Variants in EPHB2 observed in about 807,000 individuals in gnomAD.
EPHB2 encodes EPH receptor B2, also known as ephrin type-B receptor 2.
EPHB2 carries 18 observed loss-of-function variants against 96.4 expected under a neutral mutation model. The observed-to-expected ratio is 0.19, with a 90% CI of 0.13 to 0.28. The LOEUF is 0.28. EPHB2 is among the 10% of genes least tolerant of loss of function. The pLI is 1.00. For missense variants in EPHB2, 989 were observed against 1,355.4 expected (o/e 0.73, Z 4.25); for synonymous variants, 506 against 534.1 (o/e 0.95, Z 0.72).
At chr1:22,726,343 A>G (rs1300104662) in intron 1 of EPHB2, among the ~76,000 whole-genome samples, 1 of 152,068 alleles carries the variant, frequency 6.6e-6, no homozygotes, top group Non-Finnish European at 1.5e-5. Flanking sequence ...ACTAAGTGCC[A>G]GGCACCATCC....
chr1:22,797,490 G>T (rs1644783932), intron 3 of EPHB2, among the ~76,000 whole-genome samples: 1 of 152,012 alleles, frequency 6.6e-6, no homozygotes, highest in South Asian at 2.1e-4. Flanking sequence ...CACCTTGGAG[G>T]GCCCCAGTGC....
intron 1 of EPHB2, among the ~76,000 whole-genome samples, chr1:22,773,949 A>G (rs894798564): frequency 3.9e-5 from 6 of 152,212 alleles, no homozygotes; most frequent in Admixed American, 1.3e-4. Flanking sequence ...GGGAGATCCT[A>G]AAGTACTTAC....
intron 1 of EPHB2, among the ~76,000 whole-genome samples, chr1:22,744,961 G>A (rs554376232): frequency 2.6e-5 from 4 of 152,306 alleles, no homozygotes; most frequent in Admixed American, 1.3e-4. Context: ...TCGTCTTCAC[G>A]TTGAGCAGGC....
At chr1:22,719,781 G>A in intron 1 of EPHB2, among the ~76,000 whole-genome samples, 1 of 152,206 alleles carries the variant, frequency 6.6e-6, no homozygotes, top group East Asian at 1.9e-4. Flanking sequence ...CCAGGGTTCA[G>A]GGGTTCAGGC....
chr1:22,781,500 C>G lies in EPHB2; in HGVS notation c.126+15C>G. The G allele has an allele frequency of 6.2e-7, 1 of 1,613,658 alleles. No homozygotes were observed. The highest frequency in any genetic ancestry group is 8.5e-7 in the Non-Finnish European group (1 of 1,179,796). ...CTCCATCAGGGGTGAGTCAGTGGTC[C>G]CCAAACCTTGCATTGGTCCCCAGGA... On this transcript the variant is annotated intron_variant, in intron 2 of 15. Transcript: ENST00000374630.
At chr1:22,905,409 C>T (rs1352386752) in intron 9 of EPHB2, among the ~76,000 whole-genome samples, 2 of 151,946 alleles carry the variant, frequency 1.3e-5, no homozygotes, top group Non-Finnish European at 2.9e-5. Flanking sequence ...GTGAGTGGGG[C>T]GGCCCCTCAA....
At position 22,776,504 on chromosome 1, in the gene EPHB2, G is replaced by C. The variant is rs963535422; in HGVS notation, c.62-4917G>C. On this transcript the variant is annotated intron_variant, in intron 1 of 15. Coordinates refer to ENST00000374630, the MANE Select transcript of EPHB2 (RefSeq NM_017449.5). ...TTGTCACCGTCACAGTGGGGATGGA[G>C]ATAGAAACATTTCCAGAGCTTCAGA... 9.8e-5 allele frequency among the ~76,000 whole-genome samples: 15 copies of C among 152,344 alleles called. No homozygotes were observed. In the East Asian group the frequency reaches 2.9e-3, roughly 29 times the overall value.
At chr1:22,887,856 A>C (rs1321465238) in intron 6 of EPHB2, among the ~76,000 whole-genome samples, 2 of 152,174 alleles carry the variant, frequency 1.3e-5, no homozygotes, top group Non-Finnish European at 2.9e-5. Context: ...GAAGGAGCAA[A>C]GGTTGGAGGA....
At chr1:22,824,617 T>G (rs998049989) in intron 3 of EPHB2, among the ~76,000 whole-genome samples, 1 of 152,246 alleles carries the variant, frequency 6.6e-6, no homozygotes, top group African/African-American at 2.4e-5. Context: ...CGCCCCTGTT[T>G]ACTCAGCTCC....
intron 1 of EPHB2, among the ~76,000 whole-genome samples, chr1:22,716,415 T>C (rs971744693): frequency 6.6e-6 from 1 of 151,994 alleles, no homozygotes; most frequent in Admixed American, 6.5e-5. Context: ...CACTGTAACC[T>C]CCGCCTCCCG....
At chr1:22,799,312 C>G (rs1277152744) in intron 3 of EPHB2, among the ~76,000 whole-genome samples, 1 of 152,076 alleles carries the variant, frequency 6.6e-6, no homozygotes, top group African/African-American at 2.4e-5. Context: ...TGCCTCCCAC[C>G]ACTCCAGACA....
chr1:22,722,905 A>C (rs1484090066), intron 1 of EPHB2, among the ~76,000 whole-genome samples: 1 of 152,236 alleles, frequency 6.6e-6, no homozygotes, highest in Non-Finnish European at 1.5e-5. Context: ...AAGAAGCAGC[A>C]AGGCAGCCAT....
rs906968203 is a variant in EPHB2, at chr1:22,906,028, G to A, written c.1807G>A (p.Glu603Lys). ...GATCTACATCGATCCTTTCACCTAC[G>A]AGGACCCCAACGAGGCAGTGCGGGA... ...MKIYIDPFTYEDPNEAVREFA... is the reference protein window; with the variant it reads ...MKIYIDPFTYKDPNEAVREFA... The change falls in exon 10 of 16, where the codon GAG becomes AAG. Residue 603 changes from glutamate (E) to lysine (K), a missense_variant. Physicochemically the swap from Glu to Lys is moderately conservative, Grantham distance 56. Transcript: ENST00000374630. The surrounding 1 kb of genome is among the most constrained non-coding windows in gnomAD (Gnocchi z 4.8). The A allele has an allele frequency of 8.7e-6, 14 of 1,614,090 alleles. No homozygotes were observed. The highest frequency in any genetic ancestry group is 1.3e-5 in the African/African-American group (1 of 74,924).
At chr1:22,908,690 T>C (rs773788048) in intron 12 of EPHB2, among the ~76,000 whole-genome samples, 5 of 152,132 alleles carry the variant, frequency 3.3e-5, no homozygotes, top group Non-Finnish European at 5.9e-5. Context: ...GGCAAGTCAC[T>C]TGAGTACTGT....
chr1:22,785,740 C>T (rs1450598078), intron 3 of EPHB2, among the ~76,000 whole-genome samples: 2 of 152,262 alleles, frequency 1.3e-5, no homozygotes, highest in Non-Finnish European at 2.9e-5. Flanking sequence ...CAAAGCAAGT[C>T]ACAAGGTTAC....
Position 22,868,228 on chromosome 1 carries a change from G to C in EPHB2, c.1303+3016G>C, listed in dbSNP as rs142298341. On this transcript the variant is annotated intron_variant, in intron 5 of 15. Coordinates refer to ENST00000374630, the MANE Select transcript of EPHB2 (RefSeq NM_017449.5). ...AGTAGAGATGGGGCGGAGTATGGAC[G>C]TGAGGGGTTTCCGGGGAATAGGCAC... Among the ~76,000 whole-genome samples the C allele has an allele frequency of 8.5e-5, 13 of 152,284 alleles. No individual in the cohort carries two copies. The East Asian group carries it at 2.3e-3, about 27-fold the overall frequency.
At chr1:22,752,738 A>G (rs2148381817) in intron 1 of EPHB2, among the ~76,000 whole-genome samples, 1 of 151,814 alleles carries the variant, frequency 6.6e-6, no homozygotes, top group East Asian at 1.9e-4. Context: ...GTATTTTAAT[A>G]TTTATAAAGT....
At chr1:22,840,475 T>G (rs2148496968) in intron 3 of EPHB2, among the ~76,000 whole-genome samples, 1 of 152,268 alleles carries the variant, frequency 6.6e-6, no homozygotes, top group South Asian at 2.1e-4. Flanking sequence ...TTTATTTTAT[T>G]TATTTGGTGG....
chr1:22,863,064 A>G lies in EPHB2; in HGVS notation c.839A>G (p.Asn280Ser). The change falls in exon 4 of 16, where the codon AAC becomes AGC. Residue 280 changes from asparagine to serine, a missense_variant. By Grantham distance (46) the Asn-to-Ser change is conservative (BLOSUM62 1). Transcript: ENST00000374630. ...TGTCCATCTGGGACTTTCAAGGCCA[A>G]CCAAGGGGATGAGGCCTGTACCCAC... ...RGCPSGTFKA[N>S]QGDEACTHCP... The G allele has an allele frequency of 5.0e-6, 8 of 1,614,200 alleles. No individual in the cohort carries two copies. Among genetic ancestry groups the G allele is most frequent in the Non-Finnish European group, 6.8e-6 (8 of 1,180,028 alleles).
Sources: gnomAD v4.1 joint callset for allele counts (sites outside exome capture counted in the v4.1 genomes callset) on GRCh38, gnomAD v4.1.1 for gene constraint, Gnocchi (gnomAD v3.1) non-coding constraint, MANE v1.5 for transcripts, NCBI Gene and HGNC (gene_info 2026-07-23, HGNC 2026-07-21) for gene names.